PTPRD: variants seen among roughly 807,000 people sequenced by gnomAD.
PTPRD encodes the protein receptor-type tyrosine-protein phosphatase delta.
PTPRD carries 34 observed loss-of-function variants against 214.5 expected under a neutral mutation model. The ratio of observed to expected loss-of-function variants is 0.16; its 90% confidence interval spans 0.12 to 0.21. The LOEUF (loss-of-function observed/expected upper bound fraction) is 0.21. Among genes scored for constraint, PTPRD ranks in the 10% least tolerant of loss-of-function variants. PTPRD has a pLI of 1.00. For synonymous variants in PTPRD, 1,128 were observed against 845.7 expected (o/e 1.33, Z -5.79); for missense variants, 2,545 against 2,398.7 (o/e 1.06, Z -1.27).
chr9:9,593,223 C>CTA (rs2092937447), intron 7 of PTPRD, among the ~76,000 whole-genome samples: 2 of 150,902 alleles, frequency 1.3e-5, no homozygotes, highest in Non-Finnish European at 1.5e-5. Flanking sequence ...GTTTTTCCCC[C>CTA]CCCTCAAAGA....
intron 3 of PTPRD, among the ~76,000 whole-genome samples, chr9:10,337,992 G>A (rs1014336082): frequency 2.6e-5 from 4 of 151,188 alleles, no homozygotes; most frequent in Non-Finnish European, 4.4e-5. Flanking sequence ...TATCTTGTTG[G>A]GAAAAACGCA....
chr9:8,917,905 G>C (rs1197212616), intron 11 of PTPRD, among the ~76,000 whole-genome samples: 1 of 152,188 alleles, frequency 6.6e-6, no homozygotes, highest in Non-Finnish European at 1.5e-5. Flanking sequence ...GTGTGCATGT[G>C]CATGCCCATT....
chr9:9,181,091 G>C (rs1053671150), intron 10 of PTPRD, among the ~76,000 whole-genome samples: 14 of 152,052 alleles, frequency 9.2e-5, no homozygotes, highest in Admixed American at 8.5e-4. Context: ...CTTTAGCTGT[G>C]AGAGACCTTT....
At chr9:9,504,700 A>T (rs1353482093) in intron 8 of PTPRD, among the ~76,000 whole-genome samples, 1 of 151,682 alleles carries the variant, frequency 6.6e-6, no homozygotes, top group Non-Finnish European at 1.5e-5. Flanking sequence ...TCTGAAAGGG[A>T]GAAACAAACC....
At chr9:8,891,343 A>G (rs1321818774) in intron 11 of PTPRD, among the ~76,000 whole-genome samples, 1 of 151,884 alleles carries the variant, frequency 6.6e-6, no homozygotes, top group East Asian at 1.9e-4. Flanking sequence ...CGTGTTAGCC[A>G]GGATGGTCTC....
At chr9:9,019,861 G>C (rs974067006) in intron 10 of PTPRD, among the ~76,000 whole-genome samples, 2 of 152,154 alleles carry the variant, frequency 1.3e-5, no homozygotes, top group African/African-American at 4.8e-5. Flanking sequence ...TTTTCTCAGT[G>C]ATTTTCATTG....
In PTPRD at chr9:10,537,141, G is replaced by A. The variant is rs566335573; in HGVS notation, c.-600+75257C>T. 4.7e-4 allele frequency among the ~76,000 whole-genome samples: 71 copies of A among 152,046 alleles called. 1 individual carries two copies. The highest frequency in any genetic ancestry group is 9.1e-4 in the Non-Finnish European group (62 of 68,004). On this transcript the variant is annotated intron_variant, in intron 2 of 45. Coordinates refer to ENST00000381196, the MANE Select transcript of PTPRD (RefSeq NM_002839.4). ...CTATTGTCACCAAATAAAGATGCAT[G>A]GCGAGATCTATCAGATTATAATCAC...
chr9:10,290,283 G>C (rs540444629), intron 3 of PTPRD, among the ~76,000 whole-genome samples: 1 of 152,170 alleles, frequency 6.6e-6, no homozygotes, highest in African/African-American at 2.4e-5. Context: ...TTGTATGACA[G>C]GCTGATTATT....
chr9:10,101,907 A>C (rs1183711142), intron 3 of PTPRD, among the ~76,000 whole-genome samples: 3 of 151,618 alleles, frequency 2.0e-5, no homozygotes, highest in Non-Finnish European at 3.0e-5. Flanking sequence ...ACAGCATTGG[A>C]AACATGTATT....
At chr9:8,495,841 G>T (rs2097253215) in intron 26 of PTPRD, among the ~76,000 whole-genome samples, 1 of 152,158 alleles carries the variant, frequency 6.6e-6, no homozygotes, top group Non-Finnish European at 1.5e-5. Flanking sequence ...CATGTGCATT[G>T]GCAGTAAATA....
intron 8 of PTPRD, among the ~76,000 whole-genome samples, chr9:9,490,418 G>A (rs2095847635): frequency 6.6e-6 from 1 of 152,000 alleles, no homozygotes. Context: ...ACAATTTAAT[G>A]AACTAACACA....
intron 10 of PTPRD, among the ~76,000 whole-genome samples, chr9:9,134,529 T>C (rs1380205080): frequency 1.3e-5 from 2 of 152,184 alleles, no homozygotes; most frequent in South Asian, 2.1e-4. Flanking sequence ...CCTAGCCAAA[T>C]TGATAGTTTT....
At chr9:9,351,791 G>A (rs1280121656) in intron 9 of PTPRD, among the ~76,000 whole-genome samples, 2 of 151,982 alleles carry the variant, frequency 1.3e-5, no homozygotes, top group African/African-American at 2.4e-5. Flanking sequence ...GGTCAGCTGG[G>A]TTCATAATTT....
At chr9:10,013,581 A>G (rs1369630957) in intron 4 of PTPRD, among the ~76,000 whole-genome samples, 1 of 148,014 alleles carries the variant, frequency 6.8e-6, no homozygotes, top group Non-Finnish European at 1.5e-5. Context: ...ACAATGTAGT[A>G]GCTGAAAAAA....
chr9:9,187,271 G>C (rs942606451), intron 9 of PTPRD, among the ~76,000 whole-genome samples: 1 of 151,922 alleles, frequency 6.6e-6, no homozygotes, highest in Non-Finnish European at 1.5e-5. Context: ...GATTTCATTA[G>C]GAAGCTTTCA....
intron 2 of PTPRD, among the ~76,000 whole-genome samples, chr9:10,516,433 A>G (rs2050137861): frequency 6.6e-6 from 1 of 151,866 alleles, no homozygotes; most frequent in Non-Finnish European, 1.5e-5. Flanking sequence ...AGATTTTTGG[A>G]AATGAGCTGT....
intron 7 of PTPRD, among the ~76,000 whole-genome samples, chr9:9,637,771 G>A (rs1299991187): frequency 6.6e-6 from 1 of 152,160 alleles, no homozygotes; most frequent in Non-Finnish European, 1.5e-5. Flanking sequence ...TGGTAGCCCA[G>A]ATCCCACAGT....
chr9:8,626,456 T>C (rs1196286079), intron 14 of PTPRD, among the ~76,000 whole-genome samples: 1 of 151,868 alleles, frequency 6.6e-6, no homozygotes, highest in East Asian at 1.9e-4. Flanking sequence ...CCATTGTTTA[T>C]ACCCACCTGT....
intron 10 of PTPRD, among the ~76,000 whole-genome samples, chr9:9,137,257 G>A (rs574326436): frequency 6.6e-6 from 1 of 152,208 alleles, no homozygotes; most frequent in Non-Finnish European, 1.5e-5. Context: ...TTATATTTAA[G>A]CCTCAAGGTT....
Sources: gnomAD v4.1 joint callset for allele counts (sites outside exome capture counted in the v4.1 genomes callset) on GRCh38, gnomAD v4.1.1 for gene constraint, MANE v1.5 for transcripts, NCBI Gene and HGNC (gene_info 2026-07-23, HGNC 2026-07-21) for gene names.